SETD7: variants seen among roughly 807,000 people sequenced by gnomAD.
SETD7 encodes the protein histone-lysine N-methyltransferase SETD7.
A neutral mutation model predicts 41.8 loss-of-function variants in SETD7; 16 were observed. The observed-to-expected ratio is 0.38, with a 90% confidence interval of 0.26 to 0.58. SETD7 has a LOEUF of 0.58. Among genes scored for constraint, SETD7 ranks in the 20% least tolerant of loss-of-function variants. The pLI is 0.64. For synonymous variants in SETD7, 163 were observed against 169.7 expected, an observed-to-expected ratio of 0.96 and a Z score of 0.31; for missense variants, 346 against 459.7, an observed-to-expected ratio of 0.75 and a Z score of 2.26.
chr4:139,504,817 C>A (rs1369499751), downstream of SETD7, among the ~76,000 whole-genome samples: 1 of 152,146 alleles, frequency 6.6e-6, no homozygotes, highest in East Asian at 1.9e-4. Flanking sequence ...CCAAATCAAT[C>A]ATCTTAACCC....
At chr4:139,524,307 G>A (rs1447175464) in intron 4 of SETD7, among the ~76,000 whole-genome samples, 1 of 152,228 alleles carries the variant, frequency 6.6e-6, no homozygotes, top group African/African-American at 2.4e-5. Context: ...ATCAGTCAGT[G>A]TCCGCACAGA....
At chr4:139,541,074 G>T (rs1302417713) in intron 2 of SETD7, among the ~76,000 whole-genome samples, 1 of 152,198 alleles carries the variant, frequency 6.6e-6, no homozygotes, top group African/African-American at 2.4e-5. Flanking sequence ...GGGCACAGGA[G>T]AAAGAAGCCG....
intron 1 of SETD7, among the ~76,000 whole-genome samples, chr4:139,554,124 T>C (rs1728190549): frequency 6.6e-6 from 1 of 152,220 alleles, no homozygotes; most frequent in Non-Finnish European, 1.5e-5. Context: ...ATTCAAGGCT[T>C]AAGCTACCTG....
intron 2 of SETD7, among the ~76,000 whole-genome samples, chr4:139,535,244 G>A (rs1055908943): frequency 2.2e-4 from 34 of 152,246 alleles, no homozygotes; most frequent in Admixed American, 9.8e-4. Context: ...GTATAATACA[G>A]GATTCCCAGC....
intron 1 of SETD7, among the ~76,000 whole-genome samples, chr4:139,547,324 G>A (rs1727988714): frequency 6.6e-6 from 1 of 152,180 alleles, no homozygotes; most frequent in South Asian, 2.1e-4. Context: ...AAATAAGCTT[G>A]CTTTTTACCT....
intron 2 of SETD7, among the ~76,000 whole-genome samples, chr4:139,534,326 T>G (rs1226304274): frequency 6.6e-6 from 1 of 152,166 alleles, no homozygotes; most frequent in Non-Finnish European, 1.5e-5. Flanking sequence ...GTAAGAAAAT[T>G]TTGAAACAAA....
intron 2 of SETD7, among the ~76,000 whole-genome samples, chr4:139,538,453 C>T (rs191829162): frequency 3.5e-4 from 54 of 152,264 alleles, no homozygotes; most frequent in Non-Finnish European, 6.9e-4. Flanking sequence ...CCTCAGCCTC[C>T]TGAGTAGCTG....
rs762800038 is a variant in SETD7 at position 139,529,162 on chromosome 4, A to G, written c.431T>C (p.Ile144Thr). The G allele has an allele frequency of 1.2e-6, 2 of 1,614,010 alleles. No homozygotes were observed. Among genetic ancestry groups the G allele is most frequent in the Admixed American group, 1.7e-5 (1 of 59,988 alleles). The stretch of plus-strand genomic sequence containing the variant: ...CCTCTCATCAGGGTACACATAGGCT[A>G]TCTTCTCTCCAGTCATCTCCCCATC... ...NEDGEMTGEK[I>T]AYVYPDERTA... Residue 144 changes from isoleucine to threonine, a missense_variant, in exon 4 of 8, where the codon ATA becomes ACA. Physicochemically the swap from Ile to Thr is moderately conservative, Grantham distance 89 (BLOSUM62 -1). Transcript: ENST00000274031.
intron 3 of SETD7, among the ~76,000 whole-genome samples, chr4:139,530,751 A>G (rs1376745169): frequency 3.3e-5 from 5 of 152,198 alleles, no homozygotes; most frequent in Non-Finnish European, 5.9e-5. Context: ...TTTGTCCAGA[A>G]TGATAAAGTA....
At chr4:139,501,992 T>C (rs1203569593), downstream of SETD7, among the ~76,000 whole-genome samples, 1 of 152,164 alleles carries the variant, frequency 6.6e-6, no homozygotes, top group African/African-American at 2.4e-5. Context: ...GGGTCAAAAC[T>C]CAATCTTTTT....
intron 2 of SETD7, among the ~76,000 whole-genome samples, chr4:139,543,922 C>T (rs987825527): frequency 2.0e-5 from 3 of 151,930 alleles, no homozygotes; most frequent in Non-Finnish European, 4.4e-5. Context: ...CGAGATCGCG[C>T]CGCTGCACTC....
intron 5 of SETD7, among the ~76,000 whole-genome samples, chr4:139,521,354 C>T (rs533852831): frequency 9.4e-4 from 142 of 151,420 alleles, no homozygotes; most frequent in African/African-American, 3.2e-3. Flanking sequence ...TGAACCCAGG[C>T]GGTGGAGATT....
At position 139,555,518 on chromosome 4, in the gene SETD7, C is replaced by A. The variant is rs1037783532; in HGVS notation, c.40+580G>T. 6.6e-6 allele frequency among the ~76,000 whole-genome samples: 1 copy of A among 152,052 alleles called. No homozygotes were observed. Among genetic ancestry groups the A allele is most frequent in the Non-Finnish European group, 1.5e-5 (1 of 68,006 alleles). On this transcript the variant is annotated intron_variant, in intron 1 of 7. Coordinates refer to ENST00000274031, the MANE Select transcript of SETD7 (RefSeq NM_030648.4). The surrounding 1 kb of genome is among the most constrained non-coding windows in gnomAD (Gnocchi z 4.0). The stretch of plus-strand genomic sequence containing the variant: ...CGGGTCGGGAGACTTGTCCGTCGCC[C>A]GACAATGATTTCATCTTTTCGGAAG...
intron 1 of SETD7, among the ~76,000 whole-genome samples, chr4:139,550,024 C>T (rs1026037771): frequency 6.6e-6 from 1 of 152,032 alleles, no homozygotes; most frequent in African/African-American, 2.4e-5. Flanking sequence ...AGGCAATCTA[C>T]CCACCTCAGC....
chr4:139,514,499 AAG>A (rs1726967841), intron 7 of SETD7, among the ~76,000 whole-genome samples: 1 of 151,350 alleles, frequency 6.6e-6, no homozygotes, highest in Non-Finnish European at 1.5e-5. Flanking sequence ...ACTGAAAAGA[AAG>A]AATTCAATTT....
At chr4:139,542,363 T>C (rs1305300801) in intron 2 of SETD7, among the ~76,000 whole-genome samples, 3 of 152,176 alleles carry the variant, frequency 2.0e-5, no homozygotes, top group Admixed American at 6.5e-5. Context: ...CAGTAATATA[T>C]TGTATACTTC....
At chr4:139,494,155 C>A (rs531342449), downstream of SETD7, among the ~76,000 whole-genome samples, 1 of 152,258 alleles carries the variant, frequency 6.6e-6, no homozygotes, top group East Asian at 1.9e-4. Context: ...CTGAAACAAG[C>A]CTGTGAAATA....
chr4:139,547,307 G>T (rs141561568), intron 1 of SETD7, among the ~76,000 whole-genome samples: 9 of 152,252 alleles, frequency 5.9e-5, no homozygotes, highest in Admixed American at 3.3e-4. Flanking sequence ...TCCAGAATAT[G>T]AACTTTAAAT....
At chr4:139,549,058 T>G (rs2592984) in intron 1 of SETD7, among the ~76,000 whole-genome samples, 51,743 of 151,976 alleles carry the variant, frequency 0.34, 9,202 homozygotes, top group East Asian at 0.52. Flanking sequence ...TGCTAAGAGC[T>G]TTTTTTAGTG....
Sources: gnomAD v4.1 joint callset for allele counts (sites outside exome capture counted in the v4.1 genomes callset) on GRCh38, gnomAD v4.1.1 for gene constraint, Gnocchi (gnomAD v3.1) non-coding constraint, MANE v1.5 for transcripts, NCBI Gene and HGNC (gene_info 2026-07-23, HGNC 2026-07-21) for gene names.